Variants in ADGRL3 observed in about 807,000 individuals in gnomAD.
ADGRL3 encodes the protein adhesion G protein-coupled receptor L3.
In ADGRL3, 62 loss-of-function variants were observed where a neutral mutation model predicts 153.5. The observed-to-expected ratio is 0.40, with a 90% CI of 0.33 to 0.50. The LOEUF is 0.50. Ranked by LOEUF, ADGRL3 falls within the 20% of genes least tolerant of loss-of-function variation. The pLI, the probability that ADGRL3 is intolerant of heterozygous loss-of-function variation, is 0.47. For missense variants in ADGRL3, 1,641 were observed against 1,859.4 expected (o/e 0.88, Z 2.16); for synonymous variants, 710 against 672.5 (o/e 1.06, Z -0.86).
At chr4:61,521,600 C>G (rs1040190828) in intron 4 of ADGRL3, among the ~76,000 whole-genome samples, 1 of 152,060 alleles carries the variant, frequency 6.6e-6, no homozygotes, top group Admixed American at 6.6e-5. Flanking sequence ...ATTGGTGGGT[C>G]TGACTCAAGG....
intron 8 of ADGRL3, among the ~76,000 whole-genome samples, chr4:61,800,478 A>G (rs915111504): frequency 6.6e-6 from 1 of 152,082 alleles, no homozygotes; most frequent in Non-Finnish European, 1.5e-5. Context: ...AGTCTGTACC[A>G]TCTTCTTTTA....
At chr4:61,426,129 G>A (rs894428637) in intron 2 of ADGRL3, among the ~76,000 whole-genome samples, 1 of 152,250 alleles carries the variant, frequency 6.6e-6, no homozygotes, top group Admixed American at 6.5e-5. Flanking sequence ...ACATGCAAAT[G>A]TAATTCATTT....
intron 1 of ADGRL3, among the ~76,000 whole-genome samples, chr4:61,242,040 G>A (rs573080083): frequency 2.6e-5 from 4 of 151,994 alleles, no homozygotes; most frequent in Admixed American, 2.6e-4. Context: ...TCTCTTCATG[G>A]CCAACTCTGC....
intron 19 of ADGRL3, among the ~76,000 whole-genome samples, chr4:61,990,560 A>T (rs2099100184): frequency 6.6e-6 from 1 of 152,046 alleles, no homozygotes; most frequent in Admixed American, 6.6e-5. Context: ...TTTATGATAT[A>T]TAAATCATAT....
chr4:61,587,179 T>A (rs2098949838), intron 4 of ADGRL3, 48 bp from the exon 5 acceptor site: 1 of 1,281,942 alleles, frequency 7.8e-7, no homozygotes, highest in East Asian at 2.5e-5. Flanking sequence ...AATTTTCCTT[T>A]GTATGTAGTA....
intron 9 of ADGRL3, among the ~76,000 whole-genome samples, chr4:61,845,286 T>C (rs1023918909): frequency 6.6e-6 from 1 of 152,028 alleles, no homozygotes; most frequent in Admixed American, 6.6e-5. Context: ...TCCCATTATC[T>C]TTTTCTCTTC....
At chr4:62,040,852 G>A (rs958532019) in intron 24 of ADGRL3, among the ~76,000 whole-genome samples, 4 of 152,088 alleles carry the variant, frequency 2.6e-5, no homozygotes, top group African/African-American at 9.7e-5. Flanking sequence ...ACCTTTGGAA[G>A]TGATACTTAT....
At chr4:62,005,000 A>C (rs6551673) in intron 21 of ADGRL3, among the ~76,000 whole-genome samples, 1 of 152,084 alleles carries the variant, frequency 6.6e-6, no homozygotes, top group Non-Finnish European at 1.5e-5. Flanking sequence ...CAATCCAAAC[A>C]ACATTGTGTG....
chr4:61,268,496 C>T (rs1219731958), intron 1 of ADGRL3, among the ~76,000 whole-genome samples: 2 of 151,288 alleles, frequency 1.3e-5, no homozygotes, highest in African/African-American at 2.4e-5. Flanking sequence ...ATTTCTTGGG[C>T]CTCAGCCATT....
chr4:61,716,316 T>C (rs2096114140), intron 6 of ADGRL3, among the ~76,000 whole-genome samples: 2 of 152,122 alleles, frequency 1.3e-5, no homozygotes, highest in Non-Finnish European at 1.5e-5. Context: ...ATCAGAAATA[T>C]AGATCTGGTT....
At chr4:61,683,506 G>A (rs2095381998) in intron 6 of ADGRL3, among the ~76,000 whole-genome samples, 1 of 152,090 alleles carries the variant, frequency 6.6e-6, no homozygotes, top group Admixed American at 6.6e-5. Flanking sequence ...GTGTGTCTGG[G>A]TCTGGGGTCT....
chr4:61,242,208 A>G (rs868198566), intron 1 of ADGRL3, among the ~76,000 whole-genome samples: 5 of 152,034 alleles, frequency 3.3e-5, no homozygotes, highest in African/African-American at 1.2e-4. Context: ...TCTGTTTGAT[A>G]TCTGACTCCC....
chr4:62,033,503 G>C (rs896872922), intron 23 of ADGRL3, among the ~76,000 whole-genome samples: 8 of 151,648 alleles, frequency 5.3e-5, no homozygotes, highest in African/African-American at 1.5e-4. Flanking sequence ...AAAATGTCAA[G>C]AAGAAGTCAG....
chr4:61,962,555 G>A (rs1291121079), intron 17 of ADGRL3, among the ~76,000 whole-genome samples: 2 of 151,956 alleles, frequency 1.3e-5, no homozygotes, highest in East Asian at 3.9e-4. Context: ...CAGTTGACCT[G>A]TAGAATGTTC....
intron 1 of ADGRL3, among the ~76,000 whole-genome samples, chr4:61,265,881 T>A (rs1043907180): frequency 6.6e-6 from 1 of 151,906 alleles, no homozygotes; most frequent in African/African-American, 2.4e-5. Context: ...TTGGAATTTG[T>A]CTTTTCCCTG....
chr4:61,219,746 CTT>C (rs1391149830), intron 1 of ADGRL3, among the ~76,000 whole-genome samples: 1 of 152,186 alleles, frequency 6.6e-6, no homozygotes, highest in African/African-American at 2.4e-5. Context: ...TCATCTCTCT[CTT>C]ATGGCATTTC....
intron 9 of ADGRL3, among the ~76,000 whole-genome samples, chr4:61,877,057 A>C (rs2098480175): frequency 6.6e-6 from 1 of 152,180 alleles, no homozygotes. Context: ...TTAGCAGAAC[A>C]TGGATTGGAG....
At chr4:61,753,524 T>C (rs1029523208) in intron 8 of ADGRL3, among the ~76,000 whole-genome samples, 1 of 152,170 alleles carries the variant, frequency 6.6e-6, no homozygotes, top group African/African-American at 2.4e-5. Context: ...AGTAAGGTTT[T>C]AACCCTCAGT....
chr4:61,719,230 A>G (rs2096187485), intron 6 of ADGRL3, among the ~76,000 whole-genome samples: 2 of 152,254 alleles, frequency 1.3e-5, no homozygotes, highest in South Asian at 4.2e-4. Flanking sequence ...AGGGAATATG[A>G]TGCCATCATT....
Sources: allele counts gnomAD v4.1 joint callset (sites outside exome capture counted in the v4.1 genomes callset), GRCh38; gene constraint gnomAD v4.1.1; transcripts MANE v1.5; gene names NCBI Gene and HGNC (gene_info 2026-07-23, HGNC 2026-07-21).